ATF6B: variants seen among roughly 807,000 people sequenced by gnomAD.
The protein encoded by ATF6B is cyclic AMP-dependent transcription factor ATF-6 beta.
Under a neutral mutation model 83.5 loss-of-function variants are expected in ATF6B, and 50 were observed. That is an observed-to-expected ratio of 0.60 (90% confidence interval 0.48 to 0.76). ATF6B has a LOEUF of 0.76. Ranked by LOEUF, ATF6B falls within the 30% of genes least tolerant of loss-of-function variation. The probability of loss-of-function intolerance (pLI) is 0.00; values close to 1 mark genes in which losing one functional copy is unlikely to be tolerated. For missense variants in ATF6B, 790 were observed against 893.8 expected, an observed-to-expected ratio of 0.88 and a Z score of 1.48; for synonymous variants, 344 against 362.8, an observed-to-expected ratio of 0.95 and a Z score of 0.59.
intron 5 of ATF6B, among the ~76,000 whole-genome samples, chr6:32,121,836 GC>G (rs1781779337): frequency 6.6e-6 from 1 of 151,842 alleles, no homozygotes; most frequent in Admixed American, 6.6e-5. Context: ...CTGGCTCTCC[GC>G]CCCGCTTTTC....
chr6:32,120,841 G>C lies in ATF6B; in HGVS notation c.762C>G (p.Val254=). The C allele has an allele frequency of 6.2e-7, 1 of 1,602,574 alleles. No homozygotes were observed. Among genetic ancestry groups the C allele is most frequent in the Non-Finnish European group, 8.5e-7 (1 of 1,174,260 alleles). The change falls in exon 8 of 18, where the codon GTC becomes GTG. Residue 254 remains valine (V), a synonymous_variant. Transcript: ENST00000375203. ...GAGGCACAGCTCTGGATGGCATTGG[G>C]ACAGTGGTTAGCACTACAGGTTTGG... ...LQPKPVVLTT[V]PMPSRAVPPS...
At chr6:32,122,856 A>G (rs1010673132) in intron 5 of ATF6B, among the ~76,000 whole-genome samples, 2 of 151,386 alleles carry the variant, frequency 1.3e-5, no homozygotes, top group Non-Finnish European at 2.9e-5. Flanking sequence ...AAAAAAAAAA[A>G]AAAAAAAAAC....
At position 32,116,013 on chromosome 6, in the gene ATF6B, C is replaced by T. The variant is rs763247015; in HGVS notation, c.1883-45G>A. Reference sequence around the variant, plus strand: ...AAGGAAGAGGAGATGGGGAGGCAAACAGGGATTGCAGGGAGGAGGGGAGGA... The same window carrying T: ...AAGGAAGAGGAGATGGGGAGGCAAATAGGGATTGCAGGGAGGAGGGGAGGA... On this transcript the variant is annotated intron_variant, in intron 17 of 17. Transcript: ENST00000375203. This position sits in a 1 kb window ranked among gnomAD's most constrained non-coding sequence, Gnocchi z 5.1. 12 of 1,466,358 alleles carry T rather than the reference C, an allele frequency of 8.2e-6. No homozygotes were observed. The highest frequency in any genetic ancestry group is 1.1e-5 in the Non-Finnish European group (12 of 1,059,324). 90.8% of individuals were successfully genotyped at this position (1,466,358 alleles called of 1,614,324 possible). A position where few individuals can be genotyped will look rare whatever the true frequency, so the allele number is the denominator to read the frequency against.
Position 32,119,172 on chromosome 6 carries a change from C to T in ATF6B, c.967-31G>A, listed in dbSNP as rs1381277100. On this transcript the variant is annotated intron_variant, in intron 9 of 17. Transcript: ENST00000375203. The surrounding 1 kb of genome is among the most constrained non-coding windows in gnomAD (Gnocchi z 4.9). ...CACCCGGAAGGTCAAAAAAGAATGA[C>T]AGATGAGTTGGCAGAAGGAGACTAT... 2 of 1,586,268 alleles carry T rather than the reference C, an allele frequency of 1.3e-6. No homozygotes were observed. The highest frequency in any genetic ancestry group is 3.7e-5 in the Admixed American group (2 of 54,390).
Position 32,118,453 on chromosome 6 carries a change from G to A in ATF6B, c.1244+322C>T, listed in dbSNP as rs1477973978. ...TACTAAAAAATACAAAAAATTAGCC[G>A]GGCATGGTGGCGTGCGCCTGTAGTC... On this transcript the variant is annotated intron_variant, in intron 11 of 17. Transcript: ENST00000375203. The surrounding 1 kb of genome is among the most constrained non-coding windows in gnomAD (Gnocchi z 5.2). 2.6e-5 allele frequency among the ~76,000 whole-genome samples: 4 copies of A among 152,278 alleles called. No homozygotes were observed. Among genetic ancestry groups the A allele is most frequent in the African/African-American group, 7.2e-5 (3 of 41,562 alleles).
Position 32,119,095 on chromosome 6 carries a change from G to A in ATF6B, c.1013C>T (p.Ser338Leu). 2 of 1,613,032 alleles carry A rather than the reference G, an allele frequency of 1.2e-6. No individual in the cohort carries two copies. The highest frequency in any genetic ancestry group is 1.7e-6 in the Non-Finnish European group (2 of 1,179,836). ...CTTCTTTCTCCGGGACTGGCAGGCT[G>A]ACTCCCGGTTCTTGATCATTCGCTG... ...RQQRMIKNRE[S>L]ACQSRRKKKE... is the part of the protein sequence containing the mutation. Residue 338 changes from serine to leucine, a missense_variant, in exon 10 of 18, where the codon TCA (serine) becomes TTA (leucine). This residue lies in a region of ATF6B where 530 missense variants were observed against 632.6 expected (regional missense o/e 0.84). Coordinates refer to ENST00000375203, the MANE Select transcript of ATF6B (RefSeq NM_004381.5). This position sits in a 1 kb window ranked among gnomAD's most constrained non-coding sequence, Gnocchi z 4.9.
At chr6:32,127,979 C>T in intron 1 of ATF6B, 138 bp downstream of exon 1, 2 of 1,078,782 alleles carry the variant, frequency 1.9e-6, no homozygotes, top group Non-Finnish European at 2.7e-6. Flanking sequence ...CCCCTTAATG[C>T]ACAACGAGCC....
chr6:32,119,703 C>T lies in ATF6B; in HGVS notation c.966+121G>A, dbSNP rs1354640158. On this transcript the variant is annotated intron_variant, in intron 9 of 17. Transcript: ENST00000375203. The surrounding 1 kb of genome is among the most constrained non-coding windows in gnomAD (Gnocchi z 4.9). ...GACCCTCAGAATGATCTAATGGGTC[C>T]GTTTCCTCACTTTTTTCTCCTAGGT... 27 of 1,409,174 alleles carry T rather than the reference C, an allele frequency of 1.9e-5. No individual in the cohort carries two copies. The highest frequency in any genetic ancestry group is 2.5e-5 in the Non-Finnish European group (26 of 1,036,010). 87.3% of individuals were successfully genotyped at this position (1,409,174 alleles called of 1,614,324 possible).
intron 5 of ATF6B, among the ~76,000 whole-genome samples, chr6:32,124,941 G>A (rs1370132973): frequency 6.6e-6 from 1 of 151,694 alleles, no homozygotes; most frequent in Non-Finnish European, 1.5e-5. Context: ...TCCGCCTCCC[G>A]GGTTCATGCC....
Position 32,117,622 on chromosome 6 carries a change from A to G in ATF6B, c.1497T>C (p.Ser499=). The G allele has an allele frequency of 6.2e-7, 1 of 1,614,188 alleles. No homozygotes were observed. The highest frequency in any genetic ancestry group is 2.2e-5 in the East Asian group (1 of 44,886). The change falls in exon 13 of 18, where the codon TCT becomes TCC. Residue 499 remains serine (S), a synonymous_variant. Transcript: ENST00000375203. This position sits in a 1 kb window ranked among gnomAD's most constrained non-coding sequence, Gnocchi z 5.0. ...CAGTGCGGTTGAAGTGCCGGCAATC[A>G]GAGGAGAGGAAGAGCTGGTCTAGGT... The part of the protein sequence containing the change: ...LRDLDQLFLS[S]DCRHFNRTES...
intron 4 of ATF6B, among the ~76,000 whole-genome samples, chr6:32,126,837 G>C (rs1053677649): frequency 6.6e-6 from 1 of 152,088 alleles, no homozygotes; most frequent in African/African-American, 2.4e-5. Flanking sequence ...TGTAGTTTGG[G>C]TGACAGAGGG....
chr6:32,127,467 T>C lies in ATF6B; in HGVS notation c.225A>G (p.Pro75=), dbSNP rs1443599666. 8 of 1,612,994 alleles carry C rather than the reference T, an allele frequency of 5.0e-6. No homozygotes were observed. The highest frequency in any genetic ancestry group is 2.2e-5 in the East Asian group (1 of 44,828). Residue 75 remains proline (P), a synonymous_variant, in exon 3 of 18, where the codon CCA becomes CCG. Coordinates refer to ENST00000375203, the MANE Select transcript of ATF6B (RefSeq NM_004381.5). ...CTGGGAAGATCGGCAGGAGTTCCCA[T>C]GGGGGCTCAGAGGGGCTGACATCCA... is the stretch of plus-strand genomic sequence containing the variant. The part of the protein sequence containing the change: ...VGMDVSPSEP[P]WELLPIFPDL...
rs2127338618 is a variant in ATF6B at position 32,119,915 on chromosome 6, G to A, written c.875C>T (p.Pro292Leu). 6.2e-7 allele frequency: 1 copy of A among 1,614,166 alleles called. No individual in the cohort carries two copies. The highest frequency in any genetic ancestry group is 8.5e-7 in the Non-Finnish European group (1 of 1,180,034). The stretch of plus-strand genomic sequence containing the variant: ...TGGTAGAGAGGGAGCCGGCCCTTCA[G>A]GCTGGACTCGAATAGCACCCTGGAT... ...VLIQGAIRVQPEGPAPSLPRP... is the reference protein window; with the variant it reads ...VLIQGAIRVQLEGPAPSLPRP... The change falls in exon 9 of 18, where the codon CCT (proline) becomes CTT (leucine). Residue 292 changes from proline to leucine, a missense_variant. Physicochemically the swap from Pro to Leu is moderately conservative, Grantham distance 98. This residue lies in a region of ATF6B where 530 missense variants were observed against 632.6 expected (regional missense o/e 0.84). Transcript: ENST00000375203. This position sits in a 1 kb window ranked among gnomAD's most constrained non-coding sequence, Gnocchi z 4.9.
intron 1 of ATF6B, 73 bp downstream of exon 1, chr6:32,128,044 T>A: frequency 6.4e-7 from 1 of 1,572,920 alleles, no homozygotes. Context: ...GACTTCCTCT[T>A]TAGGCCCCCG....
chr6:32,118,991 C>G lies in ATF6B; in HGVS notation c.1117G>C (p.Ala373Pro). 6.2e-7 allele frequency: 1 copy of G among 1,614,148 alleles called. No homozygotes were observed. The highest frequency in any genetic ancestry group is 1.1e-5 in the South Asian group (1 of 91,086). ...AGGGCCTCCAGCCGCCGCCGGAGGG[C>G]AGCATTCTCTCGGCGGAGCTGCTGG... ...DNQQLRRENA[A>P]LRRRLEALLA... is the part of the protein sequence containing the mutation. Residue 373 changes from alanine to proline, a missense_variant, in exon 10 of 18, where the codon GCC becomes CCC. Transcript: ENST00000375203. The surrounding 1 kb of genome is among the most constrained non-coding windows in gnomAD (Gnocchi z 5.2).
Position 32,118,071 on chromosome 6 carries a change from A to G in ATF6B, c.1245-33T>C, listed in dbSNP as rs1448896484. ...TAAAGAAGGACTGAGCACAATGAAG[A>G]ATTTCAGCTGTATCAAGTATCTAGG... On this transcript the variant is annotated intron_variant, in intron 11 of 17. Transcript: ENST00000375203. The surrounding 1 kb of genome is among the most constrained non-coding windows in gnomAD (Gnocchi z 5.2). The G allele has an allele frequency of 6.2e-7, 1 of 1,613,292 alleles. No homozygotes were observed. The highest frequency in any genetic ancestry group is 1.7e-5 in the Admixed American group (1 of 60,018).
In ATF6B at chr6:32,120,807, T is replaced by C. The variant is rs1031328515; in HGVS notation, c.796A>G (p.Thr266Ala). 5 of 1,610,722 alleles carry C rather than the reference T, an allele frequency of 3.1e-6. No homozygotes were observed. Among genetic ancestry groups the C allele is most frequent in the Non-Finnish European group, 4.2e-6 (5 of 1,178,256 alleles). ...TGGACGAGGGACTGCAGAAGGACTG[T>C]GGTGCTGGGAGGCACAGCTCTGGAT... Reference protein sequence around the residue: ...MPSRAVPPSTTVLLQSLVQPP... With the variant: ...MPSRAVPPSTAVLLQSLVQPP... Residue 266 changes from threonine to alanine, a missense_variant, in exon 8 of 18, where the codon ACA (threonine) becomes GCA (alanine). Thr to Ala is a moderately conservative substitution (Grantham distance 58). Transcript: ENST00000375203.
Position 32,128,223 on chromosome 6 carries a change from C to T in ATF6B, c.-16G>A. The T allele has an allele frequency of 6.2e-7, 1 of 1,605,566 alleles. No individual in the cohort carries two copies. Among genetic ancestry groups the T allele is most frequent in the Non-Finnish European group, 8.5e-7 (1 of 1,178,716 alleles). On this transcript the variant is annotated 5_prime_UTR_variant, in exon 1 of 18. Coordinates refer to ENST00000375203, the MANE Select transcript of ATF6B (RefSeq NM_004381.5). The stretch of plus-strand genomic sequence containing the variant: ...GCTCCGCCATCTTTCCCCCCCACCC[C>T]CCAACCAGGAGACGGTTCCCAAGGC...
At chr6:32,127,259 AGG>A (rs1372945280) in intron 3 of ATF6B, 65 bp from the exon 4 acceptor site, 2 of 1,463,752 alleles carry the variant, frequency 1.4e-6, no homozygotes, top group Non-Finnish European at 1.9e-6. Flanking sequence ...AAAGTACCCA[AGG>A]ACATGTCGGT....
Sources: gnomAD v4.1 joint callset for allele counts (sites outside exome capture counted in the v4.1 genomes callset) on GRCh38, gnomAD v4.1.1 for gene constraint, gnomAD v4.1.1 regional missense constraint, Gnocchi (gnomAD v3.1) non-coding constraint, MANE v1.5 for transcripts, NCBI Gene and HGNC (gene_info 2026-07-23, HGNC 2026-07-21) for gene names.